ANKFN1: variants seen among roughly 807,000 people sequenced by gnomAD.
ANKFN1 encodes the protein ankyrin repeat and fibronectin type-III domain-containing protein 1.
ANKFN1 carries 74 observed loss-of-function variants against 108.7 expected under a neutral mutation model. The observed-to-expected ratio is 0.68, with a 90% CI of 0.56 to 0.83. The LOEUF (loss-of-function observed/expected upper bound fraction) is 0.83. Among genes scored for constraint, ANKFN1 ranks in the 40% least tolerant of loss-of-function variants. The probability of loss-of-function intolerance (pLI) is 0.00; values close to 1 mark genes in which losing one functional copy is unlikely to be tolerated. For missense variants in ANKFN1, 1,505 were observed against 1,382.3 expected (o/e 1.09, Z -1.41); for synonymous variants, 547 against 516.2 (o/e 1.06, Z -0.81).
intron 4 of ANKFN1, among the ~76,000 whole-genome samples, chr17:56,063,996 C>A (rs1905021076): frequency 6.6e-6 from 1 of 152,156 alleles, no homozygotes; most frequent in Non-Finnish European, 1.5e-5. Context: ...GGCCAGGTCC[C>A]TCTTCTGTAG....
At chr17:56,482,578 T>C (rs527695446) in intron 18 of ANKFN1, 54 bp downstream of exon 18, 1 of 1,580,392 alleles carries the variant, frequency 6.3e-7, no homozygotes, top group South Asian at 1.2e-5. Flanking sequence ...TATAATAAAA[T>C]CACAAAGTTA....
chr17:56,243,260 G>A (rs1416709537), intron 3 of ANKFN1, among the ~76,000 whole-genome samples: 2 of 151,838 alleles, frequency 1.3e-5, no homozygotes, highest in African/African-American at 4.8e-5. Context: ...ACTCTCCTTA[G>A]CCCTCCTTAT....
intron 4 of ANKFN1, among the ~76,000 whole-genome samples, chr17:56,346,170 G>T (rs1334156109): frequency 6.6e-6 from 1 of 152,016 alleles, no homozygotes; most frequent in African/African-American, 2.4e-5. Context: ...GCTTGTTTTT[G>T]TCAGGTTTGT....
At chr17:56,128,653 C>T (rs1237976399) in intron 4 of ANKFN1, among the ~76,000 whole-genome samples, 1 of 152,172 alleles carries the variant, frequency 6.6e-6, no homozygotes, top group Non-Finnish European at 1.5e-5. Flanking sequence ...AATGTTTGCA[C>T]TGGGGCAGTA....
chr17:56,220,606 G>A (rs554045665), intron 2 of ANKFN1, among the ~76,000 whole-genome samples: 2 of 151,824 alleles, frequency 1.3e-5, no homozygotes, highest in East Asian at 3.9e-4. Context: ...GCTGCAGTGA[G>A]CTATGATTTC....
At chr17:56,380,077 T>G (rs750001131) in intron 8 of ANKFN1, among the ~76,000 whole-genome samples, 2 of 152,230 alleles carry the variant, frequency 1.3e-5, no homozygotes, top group African/African-American at 4.8e-5. Flanking sequence ...CTAAATTAAT[T>G]TGGGGAGAAT....
intron 8 of ANKFN1, among the ~76,000 whole-genome samples, chr17:56,390,224 T>C (rs1034235368): frequency 6.8e-6 from 1 of 147,786 alleles, no homozygotes; most frequent in Non-Finnish European, 1.5e-5. Flanking sequence ...CAGACCCCAA[T>C]GTGTGATGTT....
chr17:56,381,066 G>A lies in ANKFN1; in HGVS notation c.910+6352G>A, dbSNP rs531541620. ...TAGCGGCAGACTGACACCTCAAACG[G>A]CCGGGTACTCCTCTGAGACAAAACT... is the stretch of plus-strand genomic sequence containing the variant. On this transcript the variant is annotated intron_variant, in intron 8 of 20. Coordinates refer to ENST00000682825, the MANE Select transcript of ANKFN1 (RefSeq NM_001370326.1). Among the ~76,000 whole-genome samples, 6 of 152,258 alleles carry A rather than the reference G, an allele frequency of 3.9e-5. No individual in the cohort carries two copies. In the East Asian group the frequency reaches 1.2e-3, roughly 29 times the overall value.
At chr17:56,294,629 A>G (rs1354780367) in intron 3 of ANKFN1, among the ~76,000 whole-genome samples, 1 of 152,246 alleles carries the variant, frequency 6.6e-6, no homozygotes, top group East Asian at 1.9e-4. Flanking sequence ...TTACCAGAAT[A>G]GTTCAAGACA....
chr17:56,163,989 G>A (rs192271542), intron 1 of ANKFN1, among the ~76,000 whole-genome samples: 3 of 152,240 alleles, frequency 2.0e-5, no homozygotes, highest in Non-Finnish European at 2.9e-5. Context: ...TGGAATTTGG[G>A]TAAATCTGCA....
At chr17:56,199,603 C>T (rs891438214) in intron 1 of ANKFN1, among the ~76,000 whole-genome samples, 7 of 152,158 alleles carry the variant, frequency 4.6e-5, no homozygotes, top group African/African-American at 1.7e-4. Flanking sequence ...CCACTTAGTG[C>T]ATTCCAGCAT....
chr17:56,110,356 G>A (rs962028129), intron 4 of ANKFN1, among the ~76,000 whole-genome samples: 5 of 152,084 alleles, frequency 3.3e-5, no homozygotes, highest in Non-Finnish European at 7.4e-5. Context: ...TGACTTCTCA[G>A]GCTAGATATT....
At chr17:56,288,304 C>T (rs1364897562) in intron 3 of ANKFN1, among the ~76,000 whole-genome samples, 1 of 152,106 alleles carries the variant, frequency 6.6e-6, no homozygotes, top group African/African-American at 2.4e-5. Flanking sequence ...TATACATTAT[C>T]TATTCCTCCC....
intron 4 of ANKFN1, among the ~76,000 whole-genome samples, chr17:56,138,729 T>C (rs1303342846): frequency 6.6e-6 from 1 of 152,104 alleles, no homozygotes; most frequent in African/African-American, 2.4e-5. Context: ...CAGGCTGGTC[T>C]CGAACTCCTG....
intron 1 of ANKFN1, among the ~76,000 whole-genome samples, chr17:56,188,561 GTA>G (rs72458925): frequency 0.096 from 7,201 of 74,704 alleles, 369 homozygotes; most frequent in East Asian, 0.16. Context: ...GTGTGTGTGT[GTA>G]TGTGTGTGTG....
intron 5 of ANKFN1, 125 bp from the exon 6 acceptor site, chr17:56,353,711 T>C (rs1020652124): frequency 2.6e-6 from 2 of 773,092 alleles, no homozygotes; most frequent in Non-Finnish European, 2.1e-6. Context: ...TTGGGATAAA[T>C]TGTAGTTATT....
chr17:56,164,695 G>A (rs967775546), intron 1 of ANKFN1, among the ~76,000 whole-genome samples: 2 of 152,134 alleles, frequency 1.3e-5, no homozygotes, highest in Non-Finnish European at 2.9e-5. Context: ...GTTGAAAATT[G>A]TCTGTGACCT....
intron 3 of ANKFN1, among the ~76,000 whole-genome samples, chr17:56,321,737 G>C (rs1403908659): frequency 6.6e-6 from 1 of 152,164 alleles, no homozygotes; most frequent in Non-Finnish European, 1.5e-5. Context: ...AATCAGAGGA[G>C]AGTATACTAA....
intron 8 of ANKFN1, among the ~76,000 whole-genome samples, chr17:56,418,960 G>A (rs899347084): frequency 1.3e-4 from 20 of 152,194 alleles, no homozygotes; most frequent in Non-Finnish European, 1.5e-4. Context: ...AGAGAAGCTT[G>A]GTTCAACTCC....
Sources: gnomAD v4.1 joint callset for allele counts (sites outside exome capture counted in the v4.1 genomes callset) on GRCh38, gnomAD v4.1.1 for gene constraint, MANE v1.5 for transcripts, NCBI Gene and HGNC (gene_info 2026-07-23, HGNC 2026-07-21) for gene names.